Variants in RBM44 observed in about 807,000 individuals in gnomAD.
The protein encoded by RBM44 is RNA-binding protein 44.
Under a neutral mutation model 105.1 loss-of-function variants are expected in RBM44, and 66 were observed. The observed-to-expected ratio is 0.63, with a 90% confidence interval of 0.52 to 0.77. The LOEUF (loss-of-function observed/expected upper bound fraction) is 0.77, where lower values mean the gene tolerates loss of function less well. Ranked by LOEUF, RBM44 falls within the 30% of genes least tolerant of loss-of-function variation. The probability of loss-of-function intolerance (pLI) is 0.00; values close to 1 mark genes in which losing one functional copy is unlikely to be tolerated. For missense variants in RBM44, 1,122 were observed against 1,207.8 expected (o/e 0.93, Z 1.05); for synonymous variants, 365 against 417.6 (o/e 0.87, Z 1.54).
At position 237,827,288 on chromosome 2, in the gene RBM44, T is replaced by A; in HGVS notation, c.2488T>A (p.Tyr830Asn). The A allele has an allele frequency of 1.3e-6, 2 of 1,595,498 alleles. No individual in the cohort carries two copies. The highest frequency in any genetic ancestry group is 1.7e-6 in the Non-Finnish European group (2 of 1,167,608). Residue 830 changes from tyrosine to asparagine, a missense_variant, in exon 11 of 16, where the codon TAT (tyrosine) becomes AAT (asparagine). By Grantham distance (143) the Tyr-to-Asn change is moderately radical (BLOSUM62 -2). Around this residue, in one of 3 missense-constraint regions of RBM44, gnomAD observed 918 missense variants for 955.3 expected, o/e 0.96. Transcript: ENST00000316997. ...NVEPSQRDKG[Y>N]LIHVGGLCPS... ...TGAACCCTCACAAAGAGATAAAGGT[T>A]ATTTGATACATGTTGGTGGCCTCTG...
Position 237,818,390 on chromosome 2 carries a change from G to C in RBM44, c.1471G>C (p.Val491Leu), listed in dbSNP as rs373190007. The change falls in exon 3 of 16, where the codon GTA becomes CTA. Residue 491 changes from valine to leucine, a missense_variant. By Grantham distance (32) the Val-to-Leu change is conservative. Transcript: ENST00000316997. The surrounding 1 kb of genome is among the most constrained non-coding windows in gnomAD (Gnocchi z 4.6). ...SRATSARPSV[V>L]STSSNTEITM... ...GGCAACAAGTGCAAGACCTTCTGTA[G>C]TATCTACATCAAGCAACACAGAGAT... The C allele has an allele frequency of 6.3e-7, 1 of 1,586,676 alleles. No individual in the cohort carries two copies. Among genetic ancestry groups the C allele is most frequent in the African/African-American group, 1.4e-5 (1 of 73,666 alleles).
intron 8 of RBM44, among the ~76,000 whole-genome samples, chr2:237,822,346 G>A (rs1414588982): frequency 6.6e-6 from 1 of 151,982 alleles, no homozygotes; most frequent in Non-Finnish European, 1.5e-5. Flanking sequence ...TTTGTCAGAT[G>A]ACAACCAAGA....
intron 8 of RBM44, 66 bp from the exon 9 acceptor site, chr2:237,823,374 T>C: frequency 1.4e-6 from 1 of 722,520 alleles, no homozygotes; most frequent in Non-Finnish European, 2.4e-6. Context: ...GAAGAGTACC[T>C]GTCACATAGT....
In RBM44 at chr2:237,803,528, G is replaced by A. The variant is rs913551408; in HGVS notation, c.-19+4667G>A. On this transcript the variant is annotated intron_variant, in intron 1 of 15. Transcript: ENST00000316997. The surrounding 1 kb of genome is among the most constrained non-coding windows in gnomAD (Gnocchi z 4.2). Reference sequence around the variant, plus strand: ...AGTTATTTATGTAATCTGAATAAGCGTCTCCTTTTGGATATATGGATTGTG... The same window carrying A: ...AGTTATTTATGTAATCTGAATAAGCATCTCCTTTTGGATATATGGATTGTG... Among the ~76,000 whole-genome samples, 4 of 152,120 alleles carry A rather than the reference G, an allele frequency of 2.6e-5. No individual in the cohort carries two copies. Among genetic ancestry groups the A allele is most frequent in the South Asian group, 2.1e-4 (1 of 4,826 alleles).
At position 237,812,558 on chromosome 2, in the gene RBM44, C is replaced by G. The variant is rs573618583; in HGVS notation, c.-18-1034C>G. Among the ~76,000 whole-genome samples, 53 of 152,264 alleles carry G rather than the reference C, an allele frequency of 3.5e-4. 1 individual carries two copies. In the South Asian group the frequency reaches 9.7e-3, roughly 28 times the overall value. On this transcript the variant is annotated intron_variant, in intron 1 of 15. Transcript: ENST00000316997. ...TTCTCCTTGTAGAACAGAGACAGTA[C>G]ATTTAGATGATTTTTTTCAGGATCA...
chr2:237,833,421 T>G (rs909785187), intron 13 of RBM44, among the ~76,000 whole-genome samples: 1 of 152,228 alleles, frequency 6.6e-6, no homozygotes, highest in Non-Finnish European at 1.5e-5. Context: ...TAATTTTGTC[T>G]CTTCGCAATA....
At chr2:237,819,809 A>G (rs532022188) in intron 4 of RBM44, among the ~76,000 whole-genome samples, 2 of 152,150 alleles carry the variant, frequency 1.3e-5, no homozygotes, top group Admixed American at 6.5e-5. Flanking sequence ...AATCTTGGCC[A>G]AAGTTTGATT....
intron 1 of RBM44, among the ~76,000 whole-genome samples, chr2:237,812,432 G>A (rs1016016083): frequency 1.3e-5 from 2 of 152,042 alleles, no homozygotes; most frequent in Admixed American, 1.3e-4. Context: ...TATTCTTATT[G>A]TCATTAATTT....
intron 7 of RBM44, 89 bp from the exon 8 acceptor site, chr2:237,821,654 T>C (rs2061791918): frequency 1.1e-5 from 10 of 907,316 alleles, no homozygotes; most frequent in Non-Finnish European, 1.6e-5. Flanking sequence ...CTCTTTTAGC[T>C]ACTTTGAAAT....
At chr2:237,831,496 T>C (rs191222261) in intron 13 of RBM44, among the ~76,000 whole-genome samples, 3 of 152,274 alleles carry the variant, frequency 2.0e-5, no homozygotes, top group East Asian at 3.9e-4. Context: ...TTGGCCAGGC[T>C]CATCTTGAAT....
chr2:237,830,516 A>G (rs2061892956), intron 13 of RBM44, among the ~76,000 whole-genome samples: 1 of 152,152 alleles, frequency 6.6e-6, no homozygotes, highest in Non-Finnish European at 1.5e-5. Flanking sequence ...GTTGAAGCTA[A>G]GAAATCTTAG....
In RBM44 at chr2:237,803,397, G is replaced by A. The variant is rs1336235998; in HGVS notation, c.-19+4536G>A. ...CACACAAATTTTAAGCCATTCTAAT[G>A]AATGTGAAGTGGTACCGTGGTTGTT... On this transcript the variant is annotated intron_variant, in intron 1 of 15. Coordinates refer to ENST00000316997, the MANE Select transcript of RBM44 (RefSeq NM_001080504.3). This position sits in a 1 kb window ranked among gnomAD's most constrained non-coding sequence, Gnocchi z 4.2. 1.3e-5 allele frequency among the ~76,000 whole-genome samples: 2 copies of A among 152,076 alleles called. No homozygotes were observed. The highest frequency in any genetic ancestry group is 2.9e-5 in the Non-Finnish European group (2 of 68,034).
chr2:237,818,557 C>T lies in RBM44; in HGVS notation c.1638C>T (p.Ser546=), dbSNP rs147210473. Residue 546 remains serine, a synonymous_variant, in exon 3 of 16, where the codon TCC becomes TCT. Transcript: ENST00000316997. The surrounding 1 kb of genome is among the most constrained non-coding windows in gnomAD (Gnocchi z 4.6). ...CAAAAGGATCAGGAAAATCTCTCTC[C>T]GTTGACAGTTTAAAACCTAATGGAA... ...AITKGSGKSL[S]VDSLKPNGNF... is the part of the protein sequence containing the mutation. 8.1e-5 allele frequency: 128 copies of T among 1,580,938 alleles called. No homozygotes were observed. The African/African-American group carries it at 1.5e-3, about 19-fold the overall frequency.
chr2:237,832,404 T>A (rs2061912967), intron 13 of RBM44, among the ~76,000 whole-genome samples: 2 of 152,212 alleles, frequency 1.3e-5, no homozygotes, highest in East Asian at 3.8e-4. Flanking sequence ...TCCTTCCACC[T>A]TGGCCTCCCA....
chr2:237,829,318 T>C lies in RBM44; in HGVS notation c.2702T>C (p.Val901Ala), dbSNP rs762980720. ...INGKSVNVWP[V>A]KILGEYTSPL... ...GGAAAGTCAGTAAATGTGTGGCCTG[T>C]TAAAATTCTTGGAGAATATACATCA... Residue 901 changes from valine to alanine, a missense_variant, in exon 13 of 16, where the codon GTT becomes GCT. Physicochemically the swap from Val to Ala is moderately conservative, Grantham distance 64. Coordinates refer to ENST00000316997, the MANE Select transcript of RBM44 (RefSeq NM_001080504.3). 1.2e-6 allele frequency: 2 copies of C among 1,613,392 alleles called. No homozygotes were observed. Among genetic ancestry groups the C allele is most frequent in the Admixed American group, 3.3e-5 (2 of 59,956 alleles).
chr2:237,832,692 G>T (rs548816369), intron 13 of RBM44, among the ~76,000 whole-genome samples: 2 of 152,216 alleles, frequency 1.3e-5, no homozygotes, highest in East Asian at 3.9e-4. Flanking sequence ...GCAATTTCTT[G>T]TTCCCTTGTT....
rs763685316 is a variant in RBM44 at position 237,827,504 on chromosome 2, G to T, written c.2600+1G>T. 10 of 1,464,570 alleles carry T rather than the reference G, an allele frequency of 6.8e-6. No individual in the cohort carries two copies. In the South Asian group the frequency reaches 1.0e-4, roughly 15 times the overall value. The allele number at this position is 1,464,570 out of a possible 1,614,324, so 90.7% of individuals were successfully genotyped here. ...CAATTTATGATTCTACTAATTACAG[G>T]TGTGTTTCCCAACTTTAATCAATGT... On this transcript the variant is annotated splice_donor_variant, in intron 12 of 15. Transcript: ENST00000316997. LOFTEE classifies it high-confidence loss of function.
At position 237,841,260 on chromosome 2, in the gene RBM44, C is replaced by T. The variant is rs1452731370; in HGVS notation, c.*23-579C>T. ...CCATAAAAAAGAATGAGATGATGTG[C>T]TTTGCAGCAGTATGGATGGAGCTAG... is the stretch of plus-strand genomic sequence containing the variant. On this transcript the variant is annotated intron_variant, in intron 15 of 15. Transcript: ENST00000316997. The surrounding 1 kb of genome is among the most constrained non-coding windows in gnomAD (Gnocchi z 4.5). 6.6e-6 allele frequency among the ~76,000 whole-genome samples: 1 copy of T among 152,204 alleles called. No individual in the cohort carries two copies. The highest frequency in any genetic ancestry group is 2.4e-5 in the African/African-American group (1 of 41,456).
chr2:237,839,093 T>A (rs1472295692), intron 15 of RBM44, among the ~76,000 whole-genome samples: 1 of 152,196 alleles, frequency 6.6e-6, no homozygotes, highest in African/African-American at 2.4e-5. Flanking sequence ...AGTTCCTAGT[T>A]ACCAGCCAGG....
Sources: gnomAD v4.1 joint callset for allele counts (sites outside exome capture counted in the v4.1 genomes callset) on GRCh38, gnomAD v4.1.1 for gene constraint, gnomAD v4.1.1 regional missense constraint, Gnocchi (gnomAD v3.1) non-coding constraint, MANE v1.5 for transcripts, NCBI Gene and HGNC (gene_info 2026-07-23, HGNC 2026-07-21) for gene names.